Variants in ZNF518B observed in about 807,000 individuals in gnomAD.
ZNF518B encodes the protein zinc finger protein 518B.
ZNF518B carries 23 observed loss-of-function variants against 56.3 expected under a neutral mutation model. The ratio of observed to expected loss-of-function variants is 0.41; its 90% CI spans 0.29 to 0.58. The LOEUF is 0.58. ZNF518B is among the 20% of genes least tolerant of loss of function. The pLI is 0.32. For missense variants in ZNF518B, 1,460 were observed against 1,272.1 expected (o/e 1.15, Z -2.25); for synonymous variants, 529 against 465.9 (o/e 1.14, Z -1.74).
Position 10,444,959 on chromosome 4 carries a change from G to T in ZNF518B, c.1370C>A (p.Ser457Ter). The T allele has an allele frequency of 6.2e-7, 1 of 1,612,290 alleles. No individual in the cohort carries two copies. The highest frequency in any genetic ancestry group is 8.5e-7 in the Non-Finnish European group (1 of 1,179,516). The change falls in exon 3 of 3, where the codon TCG (serine) becomes TAG (stop). Residue 457 changes from serine (S) to a stop codon, truncating the protein, a stop_gained. Transcript: ENST00000326756. LOFTEE classifies it high-confidence loss of function. ...TTTCTGAAAATCCTCAATTGTTTCCGAATTAATGAAGGATTTTCCATTGTT... is the reference window on the plus strand; with the variant it reads ...TTTCTGAAAATCCTCAATTGTTTCCTAATTAATGAAGGATTTTCCATTGTT... ...VHNNGKSFIN[S>*]ETIEDFQKKN... is the part of the protein sequence containing the mutation.
At position 10,457,407 on chromosome 4, in the gene ZNF518B, C is replaced by T; in HGVS notation, c.-486G>A. On this transcript the variant is annotated 5_prime_UTR_variant, in exon 1 of 3. Coordinates refer to ENST00000326756, the MANE Select transcript of ZNF518B (RefSeq NM_053042.3). ...CCGGCGCCGCGCCCGCTGTAGGTCC[C>T]TACCCGGGGGGCGGAGCCCGCGCCA... 1 of 152,006 alleles carries T rather than the reference C, an allele frequency of 6.6e-6. No individual in the cohort carries two copies. Among genetic ancestry groups the T allele is most frequent in the Non-Finnish European group, 1.5e-5 (1 of 67,988 alleles). The allele number at this position is 152,006 out of a possible 1,614,324, so 9.4% of individuals were successfully genotyped here. A position where few individuals can be genotyped will look rare whatever the true frequency, so the allele number is the denominator to read the frequency against.
chr4:10,450,601 C>A (rs1375531529), intron 2 of ZNF518B, among the ~76,000 whole-genome samples: 1 of 152,186 alleles, frequency 6.6e-6, no homozygotes, highest in Non-Finnish European at 1.5e-5. Flanking sequence ...ACAACGTCCT[C>A]CATGGTTCAC....
rs781041492 is a variant in ZNF518B at position 10,445,603 on chromosome 4, A to C, written c.726T>G (p.Leu242=). The stretch of plus-strand genomic sequence containing the variant: ...TAGTCCGTGGATTGGAAGCTTTTAG[A>C]AGCTCTGGGTTTTGTTTTGAAGTTC... The part of the protein sequence containing the change: ...RTGTSKQNPE[L]LKASNPRTTF... Residue 242 remains leucine, a synonymous_variant, in exon 3 of 3, where the codon CTT becomes CTG. Coordinates refer to ENST00000326756, the MANE Select transcript of ZNF518B (RefSeq NM_053042.3). 1.2e-6 allele frequency: 2 copies of C among 1,614,026 alleles called. No individual in the cohort carries two copies. Among genetic ancestry groups the C allele is most frequent in the Admixed American group, 1.7e-5 (1 of 60,004 alleles).
Position 10,443,787 on chromosome 4 carries a change from TCA to T in ZNF518B, c.2540_2541del (p.Leu847GlnfsTer8), listed in dbSNP as rs1714805345. 6.2e-7 allele frequency: 1 copy of T among 1,614,206 alleles called. No individual in the cohort carries two copies. The highest frequency in any genetic ancestry group is 8.5e-7 in the Non-Finnish European group (1 of 1,180,038). ...PNIETPLRPK[L>X]RKESAVCSTI... ...GTGCTACAGACAGCACTCTCTTTTCTCAGTTTAGGCCGCAGAGGTGTCTCGAT... is the reference window on the plus strand; with the variant it reads ...GTGCTACAGACAGCACTCTCTTTTCTGTTTAGGCCGCAGAGGTGTCTCGAT... On this transcript the variant is annotated frameshift_variant, in exon 3 of 3. Transcript: ENST00000326756. LOFTEE classifies it high-confidence loss of function.
upstream of ZNF518B, among the ~76,000 whole-genome samples, chr4:10,458,227 T>TC (rs1310820988): frequency 2.0e-5 from 3 of 151,888 alleles, no homozygotes; most frequent in Non-Finnish European, 4.4e-5. Flanking sequence ...AATCAGTGAC[T>TC]CCCCACAAAG....
rs756834190 is a variant in ZNF518B, at chr4:10,444,261, G to A, written c.2068C>T (p.Arg690Cys). The A allele has an allele frequency of 2.7e-5, 44 of 1,614,034 alleles. No individual in the cohort carries two copies. The highest frequency in any genetic ancestry group is 3.6e-5 in the Non-Finnish European group (43 of 1,180,030). ...CCCTTTGATGCCTGCCCTACAGAGC[G>A]ACGATGTGCACTATTTGAAGCCAAA... is the stretch of plus-strand genomic sequence containing the variant. ...SSLASNSAHR[R>C]SVGQASKGTS... The change falls in exon 3 of 3, where the codon CGC becomes TGC. Residue 690 changes from arginine (R) to cysteine (C), a missense_variant. Coordinates refer to ENST00000326756, the MANE Select transcript of ZNF518B (RefSeq NM_053042.3).
chr4:10,445,901 G>A lies in ZNF518B; in HGVS notation c.428C>T (p.Ser143Phe), dbSNP rs1715019423. 1 of 1,614,190 alleles carries A rather than the reference G, an allele frequency of 6.2e-7. No individual in the cohort carries two copies. The highest frequency in any genetic ancestry group is 8.5e-7 in the Non-Finnish European group (1 of 1,180,036). Residue 143 changes from serine to phenylalanine, a missense_variant, in exon 3 of 3, where the codon TCT becomes TTT. Ser to Phe is a radical substitution (Grantham distance 155). Transcript: ENST00000326756. ...TTTGTACTGCAGCGGGTCCTTTGTA[G>A]AGAATCGACATTTATCACAATAGTA... is the stretch of plus-strand genomic sequence containing the variant. ...GKYYCDKCRFSTKDPLQYKKH... is the reference protein window; with the variant it reads ...GKYYCDKCRFFTKDPLQYKKH...
rs1317139408 is a variant in ZNF518B, at chr4:10,441,258, AT to A, written c.*1845del. ...TACTGCAATTTTCATATGGTAAAAA[AT>A]ATTTTTATGTGTACACATACACATA... On this transcript the variant is annotated 3_prime_UTR_variant, in exon 3 of 3. Transcript: ENST00000326756. 4 of 152,562 alleles carry A rather than the reference AT, an allele frequency of 2.6e-5. No individual in the cohort carries two copies. Among genetic ancestry groups the A allele is most frequent in the Non-Finnish European group, 4.4e-5 (3 of 68,036 alleles). 9.5% of individuals were successfully genotyped at this position (152,562 alleles called of 1,614,324 possible). A position where few individuals can be genotyped will look rare whatever the true frequency, so the allele number is the denominator to read the frequency against.
chr4:10,450,008 G>C (rs568373005), intron 2 of ZNF518B, among the ~76,000 whole-genome samples: 1 of 152,330 alleles, frequency 6.6e-6, no homozygotes, highest in African/African-American at 2.4e-5. Flanking sequence ...TTGAAAATCT[G>C]AGACAGACTG....
At chr4:10,459,628 A>G (rs1715680386), upstream of ZNF518B, among the ~76,000 whole-genome samples, 1 of 152,196 alleles carries the variant, frequency 6.6e-6, no homozygotes, top group African/African-American at 2.4e-5. Flanking sequence ...AAGGGACACC[A>G]TTCTGTGTCT....
At chr4:10,459,354 T>C (rs771295445), upstream of ZNF518B, among the ~76,000 whole-genome samples, 2 of 151,744 alleles carry the variant, frequency 1.3e-5, no homozygotes, top group Non-Finnish European at 2.9e-5. Flanking sequence ...TAAAAGTCTT[T>C]TGATGCTTGC....
At chr4:10,457,194 A>G (rs1715577675) in intron 1 of ZNF518B, 123 bp downstream of exon 1, 1 of 148,846 alleles carries the variant, frequency 6.7e-6, no homozygotes, top group South Asian at 2.1e-4. Context: ...CGGCCGCTCG[A>G]CCCGCCCCGG....
chr4:10,450,024 T>C lies in ZNF518B; in HGVS notation c.-211-3485A>G, dbSNP rs369481144. ...TGAAAATCTGAGACAGACTGGGCAG[T>C]AAGATCACGTCCATCAGCAAGGAAT... On this transcript the variant is annotated intron_variant, in intron 2 of 2. Coordinates refer to ENST00000326756, the MANE Select transcript of ZNF518B (RefSeq NM_053042.3). Among the ~76,000 whole-genome samples the C allele has an allele frequency of 4.6e-5, 7 of 152,292 alleles. No individual in the cohort carries two copies. The South Asian group carries it at 8.3e-4, about 18-fold the overall frequency.
rs915626327 is a variant in ZNF518B, at chr4:10,448,150, C to A, written c.-211-1611G>T. Among the ~76,000 whole-genome samples the A allele has an allele frequency of 3.9e-5, 6 of 152,114 alleles. No individual in the cohort carries two copies. The East Asian group carries it at 1.2e-3, about 29-fold the overall frequency. On this transcript the variant is annotated intron_variant, in intron 2 of 2. Transcript: ENST00000326756. ...ACAATTATCCAATTCCTCCCAGAGC[C>A]GCCATGATGATTAGAATGCTAGAGT... is the stretch of plus-strand genomic sequence containing the variant.
upstream of ZNF518B, among the ~76,000 whole-genome samples, chr4:10,461,360 G>A (rs1042309580): frequency 6.6e-6 from 1 of 152,188 alleles, no homozygotes; most frequent in African/African-American, 2.4e-5. Flanking sequence ...GCGCAGTGAG[G>A]CTAGTGGGGC....
chr4:10,459,181 G>C (rs1001437578), upstream of ZNF518B, among the ~76,000 whole-genome samples: 1 of 152,202 alleles, frequency 6.6e-6, no homozygotes, highest in Admixed American at 6.5e-5. Context: ...ACTTATCACA[G>C]TCCCTGGCAG....
Position 10,444,332 on chromosome 4 carries a change from C to A in ZNF518B, c.1997G>T (p.Arg666Leu), listed in dbSNP as rs765665207. 10 of 1,614,052 alleles carry A rather than the reference C, an allele frequency of 6.2e-6. No homozygotes were observed. Among genetic ancestry groups the A allele is most frequent in the Non-Finnish European group, 8.5e-6 (10 of 1,180,040 alleles). ...TSKIKSIELL[R>L]RKIAQLIESC... ...CTCAATTAACTGAGCTATCTTTCTG[C>A]GCAACAGTTCAATTGACTTTATTTT... The change falls in exon 3 of 3, where the codon CGC becomes CTC. Residue 666 changes from arginine (R) to leucine (L), a missense_variant. Transcript: ENST00000326756.
In ZNF518B at chr4:10,441,268, G is replaced by C. The variant is rs912390690; in HGVS notation, c.*1836C>G. 1 of 152,332 alleles carries C rather than the reference G, an allele frequency of 6.6e-6. No homozygotes were observed. The highest frequency in any genetic ancestry group is 1.5e-5 in the Non-Finnish European group (1 of 68,010). 9.4% of individuals were successfully genotyped at this position (152,332 alleles called of 1,614,324 possible). A position where few individuals can be genotyped will look rare whatever the true frequency, so the allele number is the denominator to read the frequency against. On this transcript the variant is annotated 3_prime_UTR_variant, in exon 3 of 3. Coordinates refer to ENST00000326756, the MANE Select transcript of ZNF518B (RefSeq NM_053042.3). ...TTCATATGGTAAAAAATATTTTTAT[G>C]TGTACACATACACATATATAAAAAT... is the stretch of plus-strand genomic sequence containing the variant.
At chr4:10,456,566 GAA>G (rs1433397038) in intron 1 of ZNF518B, among the ~76,000 whole-genome samples, 1 of 152,126 alleles carries the variant, frequency 6.6e-6, no homozygotes, top group Non-Finnish European at 1.5e-5. Flanking sequence ...CCCTCTCAAG[GAA>G]AGACAATGCC....
Sources: allele counts gnomAD v4.1 joint callset (sites outside exome capture counted in the v4.1 genomes callset), GRCh38; gene constraint gnomAD v4.1.1; transcripts MANE v1.5; gene names NCBI Gene and HGNC (gene_info 2026-07-23, HGNC 2026-07-21).